Variants in TMEM123 observed in about 807,000 individuals in gnomAD.
The protein encoded by TMEM123 is transmembrane protein 123.
Under a neutral mutation model 19.7 loss-of-function variants are expected in TMEM123, and 16 were observed. The ratio of observed to expected loss-of-function variants is 0.81; its 90% CI spans 0.55 to 1.23. TMEM123 has a LOEUF of 1.23. Among genes scored for constraint, TMEM123 ranks in the 50% most tolerant of loss-of-function variants. The pLI is 0.00. For synonymous variants in TMEM123, 118 were observed against 99.4 expected (o/e 1.19, Z -1.12); for missense variants, 313 against 257.8 (o/e 1.21, Z -1.47).
chr11:102,443,872 T>C (rs1857853687), intron 2 of TMEM123, among the ~76,000 whole-genome samples: 1 of 151,962 alleles, frequency 6.6e-6, no homozygotes, highest in African/African-American at 2.4e-5. Context: ...AACAACCCCA[T>C]GAAAAAGTGG....
chr11:102,452,397 G>T (rs1006519306), intron 1 of TMEM123, 127 bp downstream of exon 1: 2 of 816,908 alleles, frequency 2.4e-6, no homozygotes, highest in Non-Finnish European at 3.4e-6. Context: ...GGTCACCTCT[G>T]GGTCCGCCCC....
chr11:102,400,057 C>G (rs183364393), intron 4 of TMEM123, among the ~76,000 whole-genome samples: 1 of 152,014 alleles, frequency 6.6e-6, no homozygotes, highest in Non-Finnish European at 1.5e-5. Flanking sequence ...ATTTATGATG[C>G]GATGTTTATT....
chr11:102,403,438 T>C (rs2135842728), intron 2 of TMEM123, among the ~76,000 whole-genome samples: 1 of 152,388 alleles, frequency 6.6e-6, no homozygotes, highest in East Asian at 1.9e-4. Context: ...TACTGCATCT[T>C]CTTTTTAACA....
At chr11:102,449,561 T>C (rs4143637) in intron 1 of TMEM123, 1 of 142,748 alleles carries the variant, frequency 7.0e-6, no homozygotes, top group African/African-American at 2.6e-5. Context: ...TAAAAAAAAA[T>C]CCTCCAAGTA....
chr11:102,432,562 A>G (rs1480172171), intron 2 of TMEM123, among the ~76,000 whole-genome samples: 1 of 152,258 alleles, frequency 6.6e-6, no homozygotes, highest in African/African-American at 2.4e-5. Context: ...GAAAATATGT[A>G]GCCTGATGAT....
rs1425673473 is a variant in TMEM123 at position 102,398,716 on chromosome 11, C to A, written c.*151G>T. On this transcript the variant is annotated 3_prime_UTR_variant, in exon 5 of 5. Transcript: ENST00000398136. Reference sequence around the variant, plus strand: ...CCAAACCCTTGTTACCTTGAAGAATCTTTACATATTTACGTAATACACTGT... The same window carrying A: ...CCAAACCCTTGTTACCTTGAAGAATATTTACATATTTACGTAATACACTGT... 1.4e-5 allele frequency: 10 copies of A among 739,964 alleles called. No homozygotes were observed. The Admixed American group carries it at 1.7e-4, about 12-fold the overall frequency. The allele number at this position is 739,964 out of a possible 1,614,324, so 45.8% of individuals were successfully genotyped here. A position where few individuals can be genotyped will look rare whatever the true frequency, so the allele number is the denominator to read the frequency against.
At chr11:102,411,403 T>C (rs1952003547) in intron 2 of TMEM123, among the ~76,000 whole-genome samples, 1 of 152,208 alleles carries the variant, frequency 6.6e-6, no homozygotes, top group Non-Finnish European at 1.5e-5. Flanking sequence ...TTATATCCTC[T>C]ATAATAAACC....
intron 2 of TMEM123, among the ~76,000 whole-genome samples, chr11:102,443,779 AT>A (rs544938828): frequency 6.6e-6 from 1 of 152,138 alleles, no homozygotes; most frequent in Non-Finnish European, 1.5e-5. Flanking sequence ...ATGGGAGAAA[AT>A]TTTTTACAAT....
rs771346447 is a variant in TMEM123 at position 102,401,488 on chromosome 11, A to T, written c.602+51T>A. 1.3e-5 allele frequency: 19 copies of T among 1,472,676 alleles called. No individual in the cohort carries two copies. In the South Asian group the frequency reaches 2.7e-4, roughly 21 times the overall value. The allele number at this position is 1,472,676 out of a possible 1,614,324, so 91.2% of individuals were successfully genotyped here. On this transcript the variant is annotated intron_variant, in intron 4 of 4. Transcript: ENST00000398136. ...TGGCTTGATATTCTATCATAATTAA[A>T]GATGTGCACCAACAATTTTTTTTAA...
chr11:102,421,648 T>C lies in TMEM123; in HGVS notation c.158-19442A>G, dbSNP rs575822268. Among the ~76,000 whole-genome samples the C allele has an allele frequency of 2.6e-5, 4 of 152,260 alleles. No individual in the cohort carries two copies. The South Asian group carries it at 8.3e-4, about 32-fold the overall frequency. On this transcript the variant is annotated intron_variant, in intron 2 of 4. Coordinates refer to ENST00000398136, the MANE Select transcript of TMEM123 (RefSeq NM_052932.3). Reference sequence around the variant, plus strand: ...AGGCACTAGAAAATTTAATATTTAATACTGAACATGTTTTCTTGCAAGACA... The same window carrying C: ...AGGCACTAGAAAATTTAATATTTAACACTGAACATGTTTTCTTGCAAGACA...
At chr11:102,411,460 G>GC (rs1274562873) in intron 2 of TMEM123, among the ~76,000 whole-genome samples, 11 of 152,152 alleles carry the variant, frequency 7.2e-5, no homozygotes, top group Admixed American at 7.2e-4. Context: ...AGCCATTCTA[G>GC]CAAATTATCT....
chr11:102,442,820 C>T (rs1857841293), intron 2 of TMEM123, among the ~76,000 whole-genome samples: 1 of 152,214 alleles, frequency 6.6e-6, no homozygotes, highest in Non-Finnish European at 1.5e-5. Flanking sequence ...CCCAAATCTC[C>T]TTAAGCTGAT....
chr11:102,441,869 A>C (rs1301597269), intron 2 of TMEM123, among the ~76,000 whole-genome samples: 1 of 152,236 alleles, frequency 6.6e-6, no homozygotes, highest in Admixed American at 6.5e-5. Context: ...TGAAGGGGAT[A>C]TCACCACTGA....
intron 2 of TMEM123, among the ~76,000 whole-genome samples, chr11:102,421,135 A>AT (rs1296658794): frequency 1.3e-5 from 2 of 152,206 alleles, no homozygotes; most frequent in African/African-American, 4.8e-5. Context: ...TACTCCAAGT[A>AT]TTTTATAAAC....
rs1414523642 is a variant in TMEM123, at chr11:102,398,177, A to G, written c.*690T>C. On this transcript the variant is annotated 3_prime_UTR_variant, in exon 5 of 5. Coordinates refer to ENST00000398136, the MANE Select transcript of TMEM123 (RefSeq NM_052932.3). Reference sequence around the variant, plus strand: ...TACCTAAATTACACAGAGAACAAAAATTACATCAACATTGAAAGCTCAAAA... The same window carrying G: ...TACCTAAATTACACAGAGAACAAAAGTTACATCAACATTGAAAGCTCAAAA... 6.3e-6 allele frequency: 1 copy of G among 158,308 alleles called. No individual in the cohort carries two copies. Among genetic ancestry groups the G allele is most frequent in the African/African-American group, 2.4e-5 (1 of 41,758 alleles). 9.8% of individuals were successfully genotyped at this position (158,308 alleles called of 1,614,324 possible). A position where few individuals can be genotyped will look rare whatever the true frequency, so the allele number is the denominator to read the frequency against.
intron 2 of TMEM123, among the ~76,000 whole-genome samples, chr11:102,440,388 C>A (rs778294590): frequency 1.6e-4 from 24 of 152,066 alleles, no homozygotes; most frequent in Non-Finnish European, 2.6e-4. Flanking sequence ...AAGTAGGGGG[C>A]CAATATTCAA....
chr11:102,402,088 T>C lies in TMEM123; in HGVS notation c.276A>G (p.Thr92=), dbSNP rs1237594055. The C allele has an allele frequency of 5.6e-6, 9 of 1,614,174 alleles. No individual in the cohort carries two copies. Among genetic ancestry groups the C allele is most frequent in the Non-Finnish European group, 7.6e-6 (9 of 1,180,018 alleles). Residue 92 remains threonine, a synonymous_variant, in exon 3 of 5, where the codon ACA becomes ACG. Coordinates refer to ENST00000398136, the MANE Select transcript of TMEM123 (RefSeq NM_052932.3). ...CTGGTGTTGTTGTATTAGATGCCGC[T>C]GTAGGTTTCATGGTGGTGACCGTTG... ...SNTTVTTMKP[T]AASNTTTPGM...
intron 2 of TMEM123, among the ~76,000 whole-genome samples, chr11:102,412,787 A>G (rs533712190): frequency 6.6e-6 from 1 of 152,318 alleles, no homozygotes; most frequent in African/African-American, 2.4e-5. Flanking sequence ...TACTTTTTAT[A>G]GAGTTGGACT....
At chr11:102,432,855 T>TC (rs1406894366) in intron 2 of TMEM123, among the ~76,000 whole-genome samples, 1 of 152,044 alleles carries the variant, frequency 6.6e-6, no homozygotes, top group Non-Finnish European at 1.5e-5. Flanking sequence ...CTAAAAGGGG[T>TC]CAAAGTACAG....
Sources: allele counts gnomAD v4.1 joint callset (sites outside exome capture counted in the v4.1 genomes callset), GRCh38; gene constraint gnomAD v4.1.1; transcripts MANE v1.5; gene names NCBI Gene and HGNC (gene_info 2026-07-23, HGNC 2026-07-21).